Variants in PCDH15 observed in about 807,000 individuals in gnomAD.
The protein encoded by PCDH15 is protocadherin related 15.
PCDH15 carries 129 observed loss-of-function variants against 178.5 expected under a neutral mutation model. The observed-to-expected ratio is 0.72, with a 90% confidence interval of 0.63 to 0.84. The LOEUF is 0.84. PCDH15 is among the 40% of genes least tolerant of loss of function. The probability of loss-of-function intolerance (pLI) is 0.00; values close to 1 mark genes in which losing one functional copy is unlikely to be tolerated. For missense variants in PCDH15, 2,230 were observed against 2,099.9 expected (o/e 1.06, Z -1.21); for synonymous variants, 800 against 732.0 (o/e 1.09, Z -1.50).
rs571522444 is a variant in PCDH15, at chr10:55,329,917, G to T, written c.-155-163266C>A. Among the ~76,000 whole-genome samples, 984 of 151,806 alleles carry T rather than the reference G, an allele frequency of 6.5e-3. 2 individuals are homozygous for T. Among genetic ancestry groups the T allele is most frequent in the Non-Finnish European group, 0.01 (703 of 67,726 alleles). On this transcript the variant is annotated intron_variant, in intron 2 of 5. Transcript: ENST00000613346. Reference sequence around the variant, plus strand: ...GTAACTGTTTAATTAGGGTAATAGAGACTCCAATGTGGACACTTCATAATG... The same window carrying T: ...GTAACTGTTTAATTAGGGTAATAGATACTCCAATGTGGACACTTCATAATG...
chr10:54,545,876 T>C (rs1287138579), intron 2 of PCDH15, among the ~76,000 whole-genome samples: 1 of 152,194 alleles, frequency 6.6e-6, no homozygotes, highest in African/African-American at 2.4e-5. Context: ...AAAACTGCAC[T>C]TGCCAGACTC....
chr10:54,804,142 C>T (rs1258769225), upstream of PCDH15, among the ~76,000 whole-genome samples: 3 of 152,094 alleles, frequency 2.0e-5, no homozygotes, highest in Non-Finnish European at 2.9e-5. Context: ...TGGGTTCACG[C>T]CATTCTCCTG....
At chr10:54,265,023 C>T (rs569686357) in intron 8 of PCDH15, among the ~76,000 whole-genome samples, 1 of 152,168 alleles carries the variant, frequency 6.6e-6, no homozygotes, top group African/African-American at 2.4e-5. Context: ...AAAAGAGCAA[C>T]ACTACCCACA....
At chr10:54,363,143 G>A (rs544757727) in intron 5 of PCDH15, among the ~76,000 whole-genome samples, 2 of 152,058 alleles carry the variant, frequency 1.3e-5, no homozygotes, top group Admixed American at 1.3e-4. Context: ...GCCAGGCACT[G>A]TTCTACTCAA....
chr10:54,259,408 A>G (rs1308192554), intron 8 of PCDH15, among the ~76,000 whole-genome samples: 1 of 152,176 alleles, frequency 6.6e-6, no homozygotes, highest in Non-Finnish European at 1.5e-5. Context: ...TCTACGTGAG[A>G]GAATGGTCCA....
At chr10:54,378,739 T>A (rs1469307342) in intron 4 of PCDH15, 43 bp downstream of exon 4, 11 of 1,587,934 alleles carry the variant, frequency 6.9e-6, no homozygotes, top group Non-Finnish European at 9.5e-6. Context: ...ATTTAAATTA[T>A]AATAAACTTA....
At chr10:55,371,456 T>C (rs1419138634) in intron 2 of PCDH15, among the ~76,000 whole-genome samples, 1 of 152,138 alleles carries the variant, frequency 6.6e-6, no homozygotes, top group East Asian at 1.9e-4. Flanking sequence ...CCAAATCTCA[T>C]GTTGAATTGT....
At chr10:55,551,498 A>C (rs1842002509) in intron 2 of PCDH15, among the ~76,000 whole-genome samples, 2 of 151,874 alleles carry the variant, frequency 1.3e-5, no homozygotes, top group Non-Finnish European at 2.9e-5. Flanking sequence ...TATAAGTAGT[A>C]ATTTGTCAAT....
At chr10:55,011,752 A>G (rs1840052085) in intron 2 of PCDH15, among the ~76,000 whole-genome samples, 1 of 152,076 alleles carries the variant, frequency 6.6e-6, no homozygotes, top group South Asian at 2.1e-4. Context: ...ACAGAATGCA[A>G]TTTCAAAGAA....
intron 2 of PCDH15, among the ~76,000 whole-genome samples, chr10:54,593,332 T>A (rs865881726): frequency 1.3e-5 from 2 of 152,176 alleles, no homozygotes; most frequent in African/African-American, 4.8e-5. Context: ...CTTTAATCCA[T>A]TTTAAGTTAA....
intron 3 of PCDH15, among the ~76,000 whole-genome samples, chr10:54,381,327 T>G (rs2135104395): frequency 6.6e-6 from 1 of 152,236 alleles, no homozygotes; most frequent in African/African-American, 2.4e-5. Flanking sequence ...CAGTGGTGAC[T>G]GTATCTTTCC....
At chr10:54,810,046 G>A (rs1952838868) in intron 3 of PCDH15, among the ~76,000 whole-genome samples, 1 of 152,108 alleles carries the variant, frequency 6.6e-6, no homozygotes, top group African/African-American at 2.4e-5. Context: ...TCTGAAAAGT[G>A]ATACTTTTGT....
At chr10:54,174,702 CTTTTTTTT>C (rs1169302544) in intron 13 of PCDH15, among the ~76,000 whole-genome samples, 84 of 84,052 alleles carry the variant, frequency 1.0e-3, no homozygotes, top group African/African-American at 2.7e-3. Context: ...TTTTTCTTTT[CTTTTTTTT>C]TTTTTTTTTT....
chr10:54,511,891 G>A (rs189568557), intron 3 of PCDH15, among the ~76,000 whole-genome samples: 157 of 151,868 alleles, frequency 1.0e-3, no homozygotes, highest in African/African-American at 3.6e-3. Flanking sequence ...TTCTTTGGGG[G>A]AGTGTTTTCA....
chr10:54,972,780 C>T (rs1285894362), intron 2 of PCDH15, among the ~76,000 whole-genome samples: 14 of 136,440 alleles, frequency 1.0e-4, no homozygotes, highest in African/African-American at 2.7e-4. Context: ...ACCCAGGAGA[C>T]GGAGGTTGCA....
In PCDH15 at chr10:55,027,751, A is replaced by G. The variant is rs570553197; in HGVS notation, c.-79-130251T>C. 3.9e-5 allele frequency among the ~76,000 whole-genome samples: 6 copies of G among 151,952 alleles called. No homozygotes were observed. In the East Asian group the frequency reaches 1.2e-3, roughly 29 times the overall value. ...TCTGGTGTTTATTTGCTGTGTTTAT[A>G]ATTCTTGTTCAATTAGATTAAATTT... On this transcript the variant is annotated intron_variant, in intron 2 of 5. Coordinates refer to the PCDH15 transcript ENST00000458638.
Position 54,066,757 on chromosome 10 carries a change from T to G in PCDH15, c.2220A>C (p.Lys740Asn). 2 of 1,613,010 alleles carry G rather than the reference T, an allele frequency of 1.2e-6. No individual in the cohort carries two copies. Among genetic ancestry groups the G allele is most frequent in the Non-Finnish European group, 1.7e-6 (2 of 1,179,308 alleles). ...EEANAFVGQVKATDPDAGING... is the reference protein window; with the variant it reads ...EEANAFVGQVNATDPDAGING... ...AGATCTATATAAATATTCCACTTACTTTTACTTGACCCACAAAGGCATTGG... is the reference window on the plus strand; with the variant it reads ...AGATCTATATAAATATTCCACTTACGTTTACTTGACCCACAAAGGCATTGG... The change falls in exon 18 of 38, where the codon AAA (lysine) becomes AAC (asparagine). Residue 740 changes from lysine (K) to asparagine (N), a missense_variant and splice_region_variant. Lys to Asn is a moderately conservative substitution (Grantham distance 94, BLOSUM62 0). Coordinates refer to ENST00000644397, the MANE Select transcript of PCDH15 (RefSeq NM_001384140.1).
intron 1 of PCDH15, among the ~76,000 whole-genome samples, chr10:54,726,462 GTA>G (rs1416683077): frequency 8.4e-6 from 1 of 118,800 alleles, no homozygotes; most frequent in Non-Finnish European, 1.9e-5. Context: ...GTGTGTGTGT[GTA>G]TTTGAATTGA....
chr10:55,044,693 A>G (rs551970818), intron 2 of PCDH15, among the ~76,000 whole-genome samples: 6 of 152,104 alleles, frequency 3.9e-5, no homozygotes, highest in African/African-American at 1.4e-4. Flanking sequence ...CTGTTTTTAT[A>G]TACATAAGTC....
Sources: allele counts gnomAD v4.1 joint callset (sites outside exome capture counted in the v4.1 genomes callset), GRCh38; gene constraint gnomAD v4.1.1; transcripts MANE v1.5; gene names NCBI Gene and HGNC (gene_info 2026-07-23, HGNC 2026-07-21).